The following MTCL2 variants were observed in gnomAD, a reference collection of about 807,000 sequenced individuals.
MTCL2 encodes the protein microtubule cross-linking factor 2.
At chr20:36,863,270 C>T in the MTCL2 span, 2 of 1,192,098 alleles carry the variant, frequency 1.7e-6, no homozygotes, top group South Asian at 8.3e-5. This position sits in a 1 kb window ranked among gnomAD's most constrained non-coding sequence, Gnocchi z 6.2. Flanking sequence ...TTTTCCTCTC[C>T]GGGGCAGGCG....
the MTCL2 span, among the ~76,000 whole-genome samples, chr20:36,837,104 C>T: frequency 6.6e-6 from 1 of 152,218 alleles, no homozygotes; most frequent in East Asian, 1.9e-4. Context: ...CCATCTTCTG[C>T]CACCTTCCTC....
the MTCL2 span, among the ~76,000 whole-genome samples, chr20:36,858,868 G>C: frequency 7.9e-5 from 12 of 152,102 alleles, no homozygotes; most frequent in Non-Finnish European, 1.8e-4. Context: ...TCGGATCACT[G>C]CAACTTCTGC....
At chr20:36,788,990 G>A in the MTCL2 span, among the ~76,000 whole-genome samples, 1 of 152,040 alleles carries the variant, frequency 6.6e-6, no homozygotes. Flanking sequence ...ATTTTTAGTA[G>A]AGATGGGGTT....
At chr20:36,794,445 C>T in the MTCL2 span, 1 of 1,614,040 alleles carries the variant, frequency 6.2e-7, no homozygotes, top group Admixed American at 1.7e-5. This position sits in a 1 kb window ranked among gnomAD's most constrained non-coding sequence, Gnocchi z 5.4. Context: ...CCAGGCTTCT[C>T]CTTGGTGTCT....
At chr20:36,784,345 C>T in the MTCL2 span, 4 of 985,986 alleles carry the variant, frequency 4.1e-6, no homozygotes, top group Non-Finnish European at 4.8e-6. Flanking sequence ...ACTGGCATGA[C>T]CCTGGTGTTC....
At chr20:36,784,591 CTA>C in the MTCL2 span, 1 of 985,540 alleles carries the variant, frequency 1.0e-6, no homozygotes, top group Non-Finnish European at 1.2e-6. Context: ...AGGCTGATGT[CTA>C]TGTGTGTGTG....
At chr20:36,858,653 G>T in the MTCL2 span, among the ~76,000 whole-genome samples, 6 of 152,136 alleles carry the variant, frequency 3.9e-5, no homozygotes, top group African/African-American at 1.4e-4. Flanking sequence ...CAGACATCCT[G>T]TCTGCCTATT....
chr20:36,805,906 C>A, the MTCL2 span: 1 of 1,613,668 alleles, frequency 6.2e-7, no homozygotes, highest in Non-Finnish European at 8.5e-7. Flanking sequence ...GAATGCTGAG[C>A]GTTTATCTCC....
chr20:36,793,279 G>C, the MTCL2 span: 27 of 1,551,760 alleles, frequency 1.7e-5, no homozygotes, highest in East Asian at 6.1e-4. This position sits in a 1 kb window ranked among gnomAD's most constrained non-coding sequence, Gnocchi z 6.8. Context: ...CTCCATCTCC[G>C]TCCCGGAGGA....
At chr20:36,810,717 C>CTCTCTCTCTCT in the MTCL2 span, among the ~76,000 whole-genome samples, 42 of 94,268 alleles carry the variant, frequency 4.5e-4, no homozygotes, top group Admixed American at 9.2e-4. Flanking sequence ...TCTCTCTCTC[C>CTCTCTCTCTCT]CTCTCTCTCT....
At chr20:36,802,632 C>A in the MTCL2 span, among the ~76,000 whole-genome samples, 1 of 152,180 alleles carries the variant, frequency 6.6e-6, no homozygotes, top group South Asian at 2.1e-4. Context: ...GTAAAGCTAA[C>A]ACAGAGGAAA....
chr20:36,810,322 T>C, the MTCL2 span, among the ~76,000 whole-genome samples: 7 of 152,220 alleles, frequency 4.6e-5, no homozygotes, highest in Non-Finnish European at 7.3e-5. Flanking sequence ...TTTGTTACCA[T>C]TGGAACTTGT....
the MTCL2 span, chr20:36,794,429 G>A: frequency 7.4e-6 from 12 of 1,614,018 alleles, no homozygotes; most frequent in South Asian, 1.1e-5. The surrounding 1 kb of genome is among the most constrained non-coding windows in gnomAD (Gnocchi z 5.4). Context: ...GTCCCTCGAC[G>A]AGAGCCCAGG....
At chr20:36,779,734 G>C in the MTCL2 span, 1 of 152,214 alleles carries the variant, frequency 6.6e-6, no homozygotes, top group South Asian at 2.1e-4. Context: ...AGGCTTCCCT[G>C]GTAGGAAGCA....
chr20:36,787,516 C>T, the MTCL2 span, among the ~76,000 whole-genome samples: 1 of 152,096 alleles, frequency 6.6e-6, no homozygotes, highest in Non-Finnish European at 1.5e-5. Flanking sequence ...AGCCACTGTG[C>T]CTGGCCCCAA....
the MTCL2 span, among the ~76,000 whole-genome samples, chr20:36,827,284 C>T: frequency 1.3e-5 from 2 of 151,612 alleles, no homozygotes; most frequent in African/African-American, 2.4e-5. Flanking sequence ...AACTCCTAAC[C>T]TCAGGTGATC....
At chr20:36,820,970 A>G in the MTCL2 span, among the ~76,000 whole-genome samples, 1 of 152,256 alleles carries the variant, frequency 6.6e-6, no homozygotes, top group Admixed American at 6.5e-5. Flanking sequence ...GGAGGCAGTT[A>G]GGGAAGGCTT....
the MTCL2 span, among the ~76,000 whole-genome samples, chr20:36,860,476 A>G: frequency 2.0e-5 from 3 of 152,208 alleles, no homozygotes. Context: ...CAGGTTCTAA[A>G]TAAACAGCTG....
At chr20:36,829,417 C>T in the MTCL2 span, among the ~76,000 whole-genome samples, 1 of 151,976 alleles carries the variant, frequency 6.6e-6, no homozygotes, top group Non-Finnish European at 1.5e-5. Context: ...AAAACCCAAA[C>T]CTAGGTACCG....
Sources: allele counts gnomAD v4.1 joint callset (sites outside exome capture counted in the v4.1 genomes callset), GRCh38; gene constraint gnomAD v4.1.1; non-coding constraint Gnocchi (gnomAD v3.1); transcripts MANE v1.5; gene names NCBI Gene and HGNC (gene_info 2026-07-23, HGNC 2026-07-21).